Variants in PLAAT3 observed in about 807,000 individuals in gnomAD.
PLAAT3 encodes the protein Ca-independent phospholipase A1/2.
A neutral mutation model predicts 16.7 loss-of-function variants in PLAAT3; 21 were observed. That is an observed-to-expected ratio of 1.26 (90% CI 0.89 to 1.81). The LOEUF (loss-of-function observed/expected upper bound fraction) is 1.81, where lower values mean the gene tolerates loss of function less well. Among genes scored for constraint, PLAAT3 ranks in the 40% most tolerant of loss-of-function variants. The pLI is 0.00. For missense variants in PLAAT3, 219 were observed against 213.7 expected, an observed-to-expected ratio of 1.02 and a Z score of -0.16; for synonymous variants, 76 against 81.7, an observed-to-expected ratio of 0.93 and a Z score of 0.38.
At position 63,590,146 on chromosome 11, in the gene PLAAT3, T is replaced by C. The variant is rs1421481106; in HGVS notation, c.341A>G (p.Glu114Gly). The C allele has an allele frequency of 3.8e-5, 62 of 1,614,204 alleles. No homozygotes were observed. Among genetic ancestry groups the C allele is most frequent in the Non-Finnish European group, 5.2e-5 (61 of 1,180,030 alleles). Reference protein sequence around the residue: ...VLYKLTSENCEHFVNELRYGV... With the variant: ...VLYKLTSENCGHFVNELRYGV... ...ATAGCGCAGCTCATTCACAAAGTGC[T>C]CGCAGTTCTCACTGGTCAGCTTGTA... The change falls in exon 4 of 5, where the codon GAG (glutamate) becomes GGG (glycine). Residue 114 changes from glutamate (E) to glycine (G), a missense_variant. By Grantham distance (98) the Glu-to-Gly change is moderately conservative. Transcript: ENST00000415826.
At chr11:63,606,553 C>T (rs1338138586) in intron 2 of PLAAT3, among the ~76,000 whole-genome samples, 2 of 152,030 alleles carry the variant, frequency 1.3e-5, no homozygotes, top group East Asian at 3.9e-4. Flanking sequence ...GGGTCGGGAG[C>T]TGAGCGCTGG....
chr11:63,599,633 G>A (rs541550408), intron 2 of PLAAT3, among the ~76,000 whole-genome samples: 36 of 152,216 alleles, frequency 2.4e-4, no homozygotes, highest in Non-Finnish European at 4.4e-5. Context: ...TTCCAAAATA[G>A]AGGGCACTCA....
chr11:63,613,860 T>C, intron 2 of PLAAT3, 140 bp downstream of exon 2: 1 of 647,422 alleles, frequency 1.5e-6, no homozygotes, highest in Non-Finnish European at 2.8e-6. Context: ...CTGACACCGA[T>C]GCCTCGCAGC....
rs1256936424 is a variant in PLAAT3, at chr11:63,614,050, G to A, written c.-36C>T. On this transcript the variant is annotated 5_prime_UTR_variant, in exon 2 of 5. Transcript: ENST00000415826. ...GGTGTGGACCCTCAAGGCCAGGCTC[G>A]ATTTCGCTGCGTAGATGTCTGAGGC... is the stretch of plus-strand genomic sequence containing the variant. The A allele has an allele frequency of 6.2e-6, 10 of 1,613,572 alleles. No individual in the cohort carries two copies. The highest frequency in any genetic ancestry group is 8.5e-6 in the Non-Finnish European group (10 of 1,179,672).
At chr11:63,588,352 G>A (rs1046356388) in intron 4 of PLAAT3, among the ~76,000 whole-genome samples, 4 of 152,276 alleles carry the variant, frequency 2.6e-5, no homozygotes, top group East Asian at 1.9e-4. Flanking sequence ...TTACAGGTGC[G>A]AGCCACTGTG....
chr11:63,581,194 A>G (rs947873241), intron 4 of PLAAT3, among the ~76,000 whole-genome samples: 5 of 152,252 alleles, frequency 3.3e-5, no homozygotes, highest in Non-Finnish European at 5.9e-5. Flanking sequence ...AAAGAACAGA[A>G]TAACAGCGAT....
chr11:63,616,795 AAC>A (rs1938885384), upstream of PLAAT3: 1 of 151,884 alleles, frequency 6.6e-6, no homozygotes, highest in Non-Finnish European at 1.5e-5. Context: ...CATCCTGGCT[AAC>A]ACAGTGAAAC....
At position 63,574,956 on chromosome 11, in the gene PLAAT3, G is replaced by A. The variant is rs1416293769; in HGVS notation, c.478C>T (p.Gln160Ter). The change falls in exon 5 of 5, where the codon CAA becomes TAA. Residue 160 changes from glutamine (Q) to a stop codon, truncating the protein, a stop_gained. Transcript: ENST00000415826. LOFTEE classifies it high-confidence loss of function. ...ACAGTCTTTTTCAGTTATTGCTTTTGTCGCTTGTTTCTTGAGAACATGACT... is the reference window on the plus strand; with the variant it reads ...ACAGTCTTTTTCAGTTATTGCTTTTATCGCTTGTTTCTTGAGAACATGACT... ...IGVMFSRNKR[Q>*]KQ The A allele has an allele frequency of 6.2e-7, 1 of 1,603,560 alleles. No individual in the cohort carries two copies. Among genetic ancestry groups the A allele is most frequent in the South Asian group, 1.1e-5 (1 of 90,886 alleles).
At chr11:63,615,130 A>ATGTGTG (rs1349807181), upstream of PLAAT3, among the ~76,000 whole-genome samples, 12 of 61,548 alleles carry the variant, frequency 1.9e-4, 3 homozygotes, top group Admixed American at 5.5e-4. Flanking sequence ...GTGTGTATAT[A>ATGTGTG]TGTATATGTG....
At chr11:63,587,783 A>C (rs1254578483) in intron 4 of PLAAT3, among the ~76,000 whole-genome samples, 1 of 152,102 alleles carries the variant, frequency 6.6e-6, no homozygotes. Flanking sequence ...TACCAAAACA[A>C]GGGCATAAAC....
intron 3 of PLAAT3, among the ~76,000 whole-genome samples, chr11:63,597,785 C>G (rs1313187630): frequency 6.6e-6 from 1 of 152,184 alleles, no homozygotes; most frequent in African/African-American, 2.4e-5. Flanking sequence ...CACCACTCAC[C>G]TCCTGCTCTG....
At chr11:63,586,888 A>G (rs1409545948) in intron 4 of PLAAT3, among the ~76,000 whole-genome samples, 2 of 152,236 alleles carry the variant, frequency 1.3e-5, no homozygotes, top group Non-Finnish European at 2.9e-5. Context: ...GTTCCAGACC[A>G]GCCTGGCCGA....
chr11:63,613,977 G>T, intron 2 of PLAAT3, 23 bp downstream of exon 2: 3 of 1,341,440 alleles, frequency 2.2e-6, no homozygotes, highest in South Asian at 1.2e-5. Flanking sequence ...GCCCCGCCCA[G>T]CCCCGCCTCG....
upstream of PLAAT3, among the ~76,000 whole-genome samples, chr11:63,615,070 A>ATATGTGTATATATGTG (rs1565259595): frequency 2.0e-5 from 1 of 49,602 alleles, no homozygotes; most frequent in Non-Finnish European, 5.8e-5. Flanking sequence ...ATATGTGTGT[A>ATATGTGTATATATGTG]TATATGTGTG....
At chr11:63,603,174 A>G (rs1253417834) in intron 2 of PLAAT3, among the ~76,000 whole-genome samples, 3 of 152,170 alleles carry the variant, frequency 2.0e-5, no homozygotes, top group East Asian at 3.9e-4. Flanking sequence ...AAAAGAACCT[A>G]CATTGATTCC....
chr11:63,615,290 A>G (rs146553087), upstream of PLAAT3, among the ~76,000 whole-genome samples: 21 of 21,662 alleles, frequency 9.7e-4, 2 homozygotes, highest in Middle Eastern at 0.036. Context: ...ATATATGTGT[A>G]TATATATGTG....
chr11:63,595,614 T>C (rs1938270000), intron 3 of PLAAT3, among the ~76,000 whole-genome samples: 1 of 152,006 alleles, frequency 6.6e-6, no homozygotes, highest in South Asian at 2.1e-4. Flanking sequence ...GGGAGGCATA[T>C]TGTAGAAGCA....
At chr11:63,608,667 A>G (rs748168143) in intron 2 of PLAAT3, 2 of 152,216 alleles carry the variant, frequency 1.3e-5, no homozygotes, top group Admixed American at 6.5e-5. Flanking sequence ...CATTTGTCTC[A>G]TCAGAGTTTG....
rs146321454 is a variant in PLAAT3, at chr11:63,586,060, T to C, written c.387+4040A>G. On this transcript the variant is annotated intron_variant, in intron 4 of 4. Coordinates refer to ENST00000415826, the MANE Select transcript of PLAAT3 (RefSeq NM_001128203.2). ...AGTGAGACCCTGTCTCTACAAAAAATACAAAAATCAGCCAGGCATGGTGAT... is the reference window on the plus strand; with the variant it reads ...AGTGAGACCCTGTCTCTACAAAAAACACAAAAATCAGCCAGGCATGGTGAT... Among the ~76,000 whole-genome samples the C allele has an allele frequency of 1.9e-3, 282 of 152,088 alleles. 1 individual carries two copies. Among genetic ancestry groups the C allele is most frequent in the African/African-American group, 6.3e-3 (260 of 41,484 alleles).
Sources: gnomAD v4.1 joint callset for allele counts (sites outside exome capture counted in the v4.1 genomes callset) on GRCh38, gnomAD v4.1.1 for gene constraint, MANE v1.5 for transcripts, NCBI Gene and HGNC (gene_info 2026-07-23, HGNC 2026-07-21) for gene names.